Variants in SNTG1 observed in about 807,000 individuals in gnomAD.
SNTG1 encodes syntrophin gamma 1.
SNTG1 carries 39 observed loss-of-function variants against 74.7 expected under a neutral mutation model. That is an observed-to-expected ratio of 0.52 (90% confidence interval 0.40 to 0.68). The LOEUF (loss-of-function observed/expected upper bound fraction) is 0.68, where lower values mean the gene tolerates loss of function less well. SNTG1 is among the 30% of genes least tolerant of loss of function. The probability of loss-of-function intolerance (pLI) is 0.00; values close to 1 mark genes in which losing one functional copy is unlikely to be tolerated. For missense variants in SNTG1, 685 were observed against 609.5 expected (o/e 1.12, Z -1.30); for synonymous variants, 254 against 217.1 (o/e 1.17, Z -1.49).
Position 50,623,909 on chromosome 8 carries a change from A to G in SNTG1, c.849+32992A>G, listed in dbSNP as rs140923329. ...TTTTAAACTCTTAAAATTATACTCA[A>G]TTACTTTATTGTGAGATTTTTCCCA... On this transcript the variant is annotated intron_variant, in intron 13 of 18. Coordinates refer to ENST00000642720, the MANE Select transcript of SNTG1 (RefSeq NM_018967.5). Among the ~76,000 whole-genome samples the G allele has an allele frequency of 1.5e-3, 233 of 152,002 alleles. 1 individual carries two copies. Among genetic ancestry groups the G allele is most frequent in the African/African-American group, 5.4e-3 (223 of 41,508 alleles).
chr8:50,104,022 C>A (rs2080261534), intron 1 of SNTG1, among the ~76,000 whole-genome samples: 1 of 152,050 alleles, frequency 6.6e-6, no homozygotes, highest in South Asian at 2.1e-4. Context: ...CTAAAATTCT[C>A]TTTTTTGGTT....
chr8:50,115,576 A>AAAAAAAAAAAAAAAAAAAAAAAC lies in SNTG1; in HGVS notation c.-102-56974_-102-56973insAAAAAAAAAAACAAAAAAAAAAA, dbSNP rs1482375164. Among the ~76,000 whole-genome samples, 261 of 82,810 alleles carry AAAAAAAAAAAAAAAAAAAAAAAC rather than the reference A, an allele frequency of 3.2e-3. 42 individuals are homozygous for AAAAAAAAAAAAAAAAAAAAAAAC. Among genetic ancestry groups the AAAAAAAAAAAAAAAAAAAAAAAC allele is most frequent in the Middle Eastern group, 0.013 (2 of 156 alleles). 54.3% of individuals were successfully genotyped at this position (82,810 alleles called of 152,430 possible). A position where few individuals can be genotyped will look rare whatever the true frequency, so the allele number is the denominator to read the frequency against. ...GAGCGAGACTCTGTCTCAAAAAAAA[A>AAAAAAAAAAAAAAAAAAAAAAAC]AAAAAAAAAAACGAGATGGTTGAAG... On this transcript the variant is annotated intron_variant, in intron 1 of 18. Transcript: ENST00000642720.
intron 17 of SNTG1, among the ~76,000 whole-genome samples, chr8:50,713,940 T>A (rs765693029): frequency 4.4e-4 from 66 of 151,318 alleles, no homozygotes; most frequent in Admixed American, 1.6e-3. Flanking sequence ...GCACCTGTAA[T>A]CCCAGCTACT....
upstream of SNTG1, among the ~76,000 whole-genome samples, chr8:49,910,369 T>TC (rs1420299138): frequency 7.0e-6 from 1 of 143,110 alleles, no homozygotes; most frequent in Non-Finnish European, 1.5e-5. Context: ...ATCAATAACC[T>TC]CCTTGTGCAG....
intron 1 of SNTG1, among the ~76,000 whole-genome samples, chr8:49,984,104 C>T (rs1812932883): frequency 6.6e-6 from 1 of 152,152 alleles, no homozygotes; most frequent in South Asian, 2.1e-4. Flanking sequence ...AAACATTTGG[C>T]ATTATAGTTC....
At chr8:50,595,837 G>A (rs970287033) in intron 13 of SNTG1, among the ~76,000 whole-genome samples, 19 of 151,582 alleles carry the variant, frequency 1.3e-4, no homozygotes, top group African/African-American at 3.4e-4. Context: ...GTATTTTATC[G>A]GTGGCTCTAC....
intron 1 of SNTG1, among the ~76,000 whole-genome samples, chr8:50,029,106 A>G (rs988278589): frequency 6.6e-6 from 1 of 152,064 alleles, no homozygotes; most frequent in Non-Finnish European, 1.5e-5. Context: ...TTATTGAAAA[A>G]AAAAGATGGA....
chr8:50,684,148 C>A (rs1236936070), intron 15 of SNTG1, among the ~76,000 whole-genome samples: 1 of 152,036 alleles, frequency 6.6e-6, no homozygotes, highest in Admixed American at 6.6e-5. Context: ...TGTTTGTGAC[C>A]CTCTGATATC....
At chr8:50,574,394 G>C (rs1303920299) in intron 12 of SNTG1, among the ~76,000 whole-genome samples, 1 of 152,022 alleles carries the variant, frequency 6.6e-6, no homozygotes, top group Non-Finnish European at 1.5e-5. Flanking sequence ...GTTGGTAAAA[G>C]ATATTTTTTA....
At position 50,087,614 on chromosome 8, in the gene SNTG1, C is replaced by A. The variant is rs572365987; in HGVS notation, c.-102-84947C>A. Among the ~76,000 whole-genome samples, 26 of 152,136 alleles carry A rather than the reference C, an allele frequency of 1.7e-4. No homozygotes were observed. The East Asian group carries it at 3.7e-3, about 21-fold the overall frequency. On this transcript the variant is annotated intron_variant, in intron 1 of 18. Coordinates refer to ENST00000642720, the MANE Select transcript of SNTG1 (RefSeq NM_018967.5). ...GTCTATAAATATATTCTACTTAGTTCTGTGTGTATGCTTAATCAAAGCATA... is the reference window on the plus strand; with the variant it reads ...GTCTATAAATATATTCTACTTAGTTATGTGTGTATGCTTAATCAAAGCATA...
At chr8:50,414,632 C>G (rs1221295981) in intron 4 of SNTG1, among the ~76,000 whole-genome samples, 1 of 151,612 alleles carries the variant, frequency 6.6e-6, no homozygotes, top group Non-Finnish European at 1.5e-5. Context: ...GCACGTTTGA[C>G]ATTATTTTTA....
intron 2 of SNTG1, among the ~76,000 whole-genome samples, chr8:50,181,850 GA>G (rs1252863510): frequency 1.3e-5 from 2 of 151,856 alleles, no homozygotes; most frequent in African/African-American, 4.8e-5. Context: ...TTAATATGTA[GA>G]AAAAATAAGA....
intron 1 of SNTG1, among the ~76,000 whole-genome samples, chr8:50,034,918 C>A (rs1256287251): frequency 4.6e-5 from 7 of 152,100 alleles, no homozygotes; most frequent in Admixed American, 4.6e-4. Flanking sequence ...CAGATTGAGA[C>A]CAATTACCCA....
rs944258625 is a variant in SNTG1 at position 50,180,961 on chromosome 8, A to G, written c.-28+8326A>G. Among the ~76,000 whole-genome samples the G allele has an allele frequency of 2.0e-5, 3 of 151,884 alleles. No homozygotes were observed. The East Asian group carries it at 5.8e-4, about 29-fold the overall frequency. ...GTATTTTTAGTAGAGATGGGGTTTCACCATGTTGGCCAGTCTGGTCTCGAA... is the reference window on the plus strand; with the variant it reads ...GTATTTTTAGTAGAGATGGGGTTTCGCCATGTTGGCCAGTCTGGTCTCGAA... On this transcript the variant is annotated intron_variant, in intron 2 of 18. Coordinates refer to ENST00000642720, the MANE Select transcript of SNTG1 (RefSeq NM_018967.5).
intron 8 of SNTG1, among the ~76,000 whole-genome samples, chr8:50,479,025 A>G (rs1413959883): frequency 6.6e-6 from 1 of 152,172 alleles, no homozygotes; most frequent in African/African-American, 2.4e-5. Context: ...AAACTGCTAG[A>G]TAGATATGAT....
intron 4 of SNTG1, among the ~76,000 whole-genome samples, chr8:50,428,735 T>G (rs144661672): frequency 3.3e-5 from 5 of 152,136 alleles, no homozygotes; most frequent in Admixed American, 3.3e-4. Flanking sequence ...AGAAGTGCTG[T>G]AAATGTGATC....
intron 13 of SNTG1, among the ~76,000 whole-genome samples, chr8:50,614,035 A>G (rs1415239423): frequency 6.6e-6 from 1 of 152,136 alleles, no homozygotes; most frequent in Non-Finnish European, 1.5e-5. Flanking sequence ...TAAAACAGAC[A>G]CTGGAGCTGG....
intron 14 of SNTG1, 148 bp from the exon 15 acceptor site, chr8:50,658,444 A>T: frequency 1.9e-6 from 1 of 514,324 alleles, no homozygotes; most frequent in Non-Finnish European, 3.5e-6. Flanking sequence ...AGCATTATGT[A>T]GGGTCCTTTA....
chr8:50,365,412 G>A (rs371206616), intron 2 of SNTG1, among the ~76,000 whole-genome samples: 19 of 152,052 alleles, frequency 1.2e-4, no homozygotes, highest in African/African-American at 2.7e-4. Flanking sequence ...TTAACTCCAC[G>A]TAATATACAA....
Sources: gnomAD v4.1 joint callset for allele counts (sites outside exome capture counted in the v4.1 genomes callset) on GRCh38, gnomAD v4.1.1 for gene constraint, MANE v1.5 for transcripts, NCBI Gene and HGNC (gene_info 2026-07-23, HGNC 2026-07-21) for gene names.